HIPK1: variants seen among roughly 807,000 people sequenced by gnomAD.
HIPK1 encodes homeodomain interacting protein kinase 1.
In HIPK1, 28 loss-of-function variants were observed where a neutral mutation model predicts 117.1. The observed-to-expected ratio is 0.24, with a 90% CI of 0.18 to 0.33. The LOEUF (loss-of-function observed/expected upper bound fraction) is 0.33. Among genes scored for constraint, HIPK1 ranks in the 10% least tolerant of loss-of-function variants. The pLI, the probability that HIPK1 is intolerant of heterozygous loss-of-function variation, is 1.00. For missense variants in HIPK1, 1,122 were observed against 1,475.1 expected, an observed-to-expected ratio of 0.76 and a Z score of 3.92; for synonymous variants, 605 against 562.5, an observed-to-expected ratio of 1.08 and a Z score of -1.07.
rs757463911 is a variant in HIPK1 at position 113,973,218 on chromosome 1, G to A, written c.3339G>A (p.Thr1113=). The A allele has an allele frequency of 1.1e-5, 18 of 1,613,796 alleles. No homozygotes were observed. The Middle Eastern group carries it at 4.9e-4, about 44-fold the overall frequency. The part of the protein sequence containing the change: ...AHLPSQAHLY[T]YAAPTSAAAL... ...TGCCAAGCCAGGCTCATCTGTATACGTATGCTGCCCCGACTTCTGCTGCTG... is the reference window on the plus strand; with the variant it reads ...TGCCAAGCCAGGCTCATCTGTATACATATGCTGCCCCGACTTCTGCTGCTG... The change falls in exon 16 of 16, where the codon ACG becomes ACA. Residue 1113 remains threonine (T), a synonymous_variant. Transcript: ENST00000426820.
intron 2 of HIPK1, among the ~76,000 whole-genome samples, chr1:113,949,097 C>T (rs1671176844): frequency 6.6e-6 from 1 of 152,192 alleles, no homozygotes; most frequent in African/African-American, 2.4e-5. Context: ...CTTGGCCACC[C>T]ACAGTGCTAG....
At chr1:113,955,914 A>G (rs1283533338) in intron 5 of HIPK1, among the ~76,000 whole-genome samples, 1 of 151,932 alleles carries the variant, frequency 6.6e-6, no homozygotes, top group Non-Finnish European at 1.5e-5. Flanking sequence ...TTCTTGTCCC[A>G]TTTTCTCTAT....
At position 113,970,757 on chromosome 1, in the gene HIPK1, A is replaced by G. The variant is rs532344459; in HGVS notation, c.3013+560A>G. On this transcript the variant is annotated intron_variant, in intron 14 of 15. Transcript: ENST00000426820. ...TTGGGTAATAGCAGTTGCAGTAACA[A>G]ATCCTAGATTTTTGTAGCATAACAT... Among the ~76,000 whole-genome samples, 13 of 152,316 alleles carry G rather than the reference A, an allele frequency of 8.5e-5. No homozygotes were observed. In the East Asian group the frequency reaches 2.3e-3, roughly 27 times the overall value.
At chr1:113,954,239 A>C (rs1380684859) in intron 3 of HIPK1, among the ~76,000 whole-genome samples, 1 of 152,226 alleles carries the variant, frequency 6.6e-6, no homozygotes, top group East Asian at 1.9e-4. Flanking sequence ...CTGGGATTAC[A>C]GGTGTGAGCC....
chr1:113,951,363 AT>A, intron 2 of HIPK1: 2 of 805,532 alleles, frequency 2.5e-6, no homozygotes, highest in Non-Finnish European at 3.0e-6. Flanking sequence ...GATTGCAGGG[AT>A]TCAAATCCTA....
chr1:113,963,873 CTTTTACCCT>C (rs1258770505), intron 10 of HIPK1, among the ~76,000 whole-genome samples: 1 of 152,140 alleles, frequency 6.6e-6, no homozygotes, highest in Non-Finnish European at 1.5e-5. Flanking sequence ...TGTTTTCTGC[CTTTTACCCT>C]CTGATCCTTG....
At chr1:113,963,350 G>A (rs372089399) in intron 9 of HIPK1, 37 bp from the exon 10 acceptor site, 28 of 1,608,186 alleles carry the variant, frequency 1.7e-5, no homozygotes, top group African/African-American at 8.0e-5. Context: ...TCCTGCCTCC[G>A]TGTTTGTTTC....
In HIPK1 at chr1:113,929,342, C is replaced by G; in HGVS notation, c.-193C>G. On this transcript the variant is annotated 5_prime_UTR_variant, in exon 1 of 16. In the 5' UTR this introduces an upstream ATG that the reference lacks. Transcript: ENST00000426820. ...CTGGGATGACATTTTACAGTTGGAT[C>G]CCGTACCACCGCCAGGCACCTTTAA... The G allele has an allele frequency of 7.8e-7, 1 of 1,289,496 alleles. No homozygotes were observed. 79.9% of individuals were successfully genotyped at this position (1,289,496 alleles called of 1,614,324 possible).
rs1196265181 is a variant in HIPK1 at position 113,968,581 on chromosome 1, C to T, written c.2704C>T (p.Pro902Ser). 1 of 1,613,774 alleles carries T rather than the reference C, an allele frequency of 6.2e-7. No homozygotes were observed. The highest frequency in any genetic ancestry group is 8.5e-7 in the Non-Finnish European group (1 of 1,179,738). Reference protein sequence around the residue: ...PIIIPDTPSPPVSVITIRSDT... With the variant: ...PIIIPDTPSPSVSVITIRSDT... ...CATCATTCCAGATACTCCCAGCCCT[C>T]CTGTGAGTGTCATCACTATCCGAAG... Residue 902 changes from proline to serine, a missense_variant, in exon 13 of 16, where the codon CCT becomes TCT. Pro to Ser is a moderately conservative substitution (Grantham distance 74). Around this residue, in one of 6 missense-constraint regions of HIPK1, gnomAD observed 731 missense variants for 860.4 expected, o/e 0.85. Transcript: ENST00000426820.
chr1:113,972,985 T>C, intron 15 of HIPK1, 39 bp from the exon 16 acceptor site: 1 of 1,506,628 alleles, frequency 6.6e-7, no homozygotes, highest in Non-Finnish European at 8.9e-7. Flanking sequence ...TGAGCTGGAG[T>C]GACCTCAGGA....
Position 113,933,702 on chromosome 1 carries a change from A to C in HIPK1, c.-3+4170A>C, listed in dbSNP as rs561726247. On this transcript the variant is annotated intron_variant, in intron 1 of 15. Coordinates refer to ENST00000426820, the MANE Select transcript of HIPK1 (RefSeq NM_198268.3). ...CAACATGGTGAAACCCTGTCTCTACAAAAAATACAAAAAAATTAGCTGGGC... is the reference window on the plus strand; with the variant it reads ...CAACATGGTGAAACCCTGTCTCTACCAAAAATACAAAAAAATTAGCTGGGC... Among the ~76,000 whole-genome samples, 101 of 152,008 alleles carry C rather than the reference A, an allele frequency of 6.6e-4. 1 individual carries two copies. The highest frequency in any genetic ancestry group is 2.4e-3 in the African/African-American group (99 of 41,454).
Position 113,940,655 on chromosome 1 carries a change from G to C in HIPK1, c.272G>C (p.Ser91Thr), listed in dbSNP as rs752655944. The change falls in exon 2 of 16, where the codon AGC (serine) becomes ACC (threonine). Residue 91 changes from serine to threonine, a missense_variant. By Grantham distance (58) the Ser-to-Thr change is moderately conservative. Around this residue, in one of 6 missense-constraint regions of HIPK1, gnomAD observed 192 missense variants for 234.0 expected, o/e 0.82. Transcript: ENST00000426820. The part of the protein sequence containing the change: ...VEHIVVTAAD[S>T]SGSAATSTFQ... ...CATATTGTTGTAACAGCCGCTGATA[G>C]CTCGGGCAGTGCTGCTACATCAACC... is the stretch of plus-strand genomic sequence containing the variant. 9 of 1,614,216 alleles carry C rather than the reference G, an allele frequency of 5.6e-6. No homozygotes were observed. The highest frequency in any genetic ancestry group is 7.6e-6 in the Non-Finnish European group (9 of 1,180,054).
Position 113,970,063 on chromosome 1 carries a change from C to T in HIPK1, c.2879C>T (p.Ala960Val), listed in dbSNP as rs1429393745. Reference protein sequence around the residue: ...SSPYSTDTLSALRGNSGSVLE... With the variant: ...SSPYSTDTLSVLRGNSGSVLE... ...CCTTATTCCACTGATACCCTGAGTG[C>T]TCTCCGAGGCAATAGTGGATCCGTT... The change falls in exon 14 of 16, where the codon GCT (alanine) becomes GTT (valine). Residue 960 changes from alanine to valine, a missense_variant. Physicochemically the swap from Ala to Val is moderately conservative, Grantham distance 64. Coordinates refer to ENST00000426820, the MANE Select transcript of HIPK1 (RefSeq NM_198268.3). 1.2e-6 allele frequency: 2 copies of T among 1,614,214 alleles called. No homozygotes were observed. Among genetic ancestry groups the T allele is most frequent in the Non-Finnish European group, 1.7e-6 (2 of 1,180,046 alleles).
chr1:113,958,432 A>G, intron 8 of HIPK1, 141 bp downstream of exon 8: 1 of 614,254 alleles, frequency 1.6e-6, no homozygotes, highest in Non-Finnish European at 2.8e-6. Flanking sequence ...TAATATCACA[A>G]AATGGATTTT....
chr1:113,967,697 G>C, intron 11 of HIPK1, 69 bp from the exon 12 acceptor site: 1 of 1,138,652 alleles, frequency 8.8e-7, no homozygotes. Context: ...AATTGCTTTT[G>C]ATGTCTGTTT....
At position 113,957,224 on chromosome 1, in the gene HIPK1, C is replaced by T; in HGVS notation, c.1693C>T (p.Pro565Ser). ...IKSPFTTHVA[P>S]NTSTNLTMSF... ...GAGTCCCTTCACTACACATGTTGCC[C>T]CAAATACAAGCACAAATCTAACCAT... The change falls in exon 7 of 16, where the codon CCA (proline) becomes TCA (serine). Residue 565 changes from proline to serine, a missense_variant. Pro to Ser is a moderately conservative substitution (Grantham distance 74). This residue lies in a region of HIPK1 where 731 missense variants were observed against 860.4 expected (regional missense o/e 0.85). Coordinates refer to ENST00000426820, the MANE Select transcript of HIPK1 (RefSeq NM_198268.3). The T allele has an allele frequency of 1.2e-6, 2 of 1,613,762 alleles. No homozygotes were observed. The highest frequency in any genetic ancestry group is 1.7e-6 in the Non-Finnish European group (2 of 1,179,724).
Position 113,967,762 on chromosome 1 carries a change from A to T in HIPK1, c.2382-4A>T. The T allele has an allele frequency of 6.6e-7, 1 of 1,504,956 alleles. No homozygotes were observed. The highest frequency in any genetic ancestry group is 8.9e-7 in the Non-Finnish European group (1 of 1,128,020). 93.2% of individuals were successfully genotyped at this position (1,504,956 alleles called of 1,614,324 possible). A position where few individuals can be genotyped will look rare whatever the true frequency, so the allele number is the denominator to read the frequency against. ...CACTCTTCTCTTTCTTTCTGTTGGT[A>T]CAGGAATGCCCACTCTCATGGCAAC... On this transcript the variant is annotated splice_polypyrimidine_tract_variant and splice_region_variant and intron_variant, in intron 11 of 15. Coordinates refer to ENST00000426820, the MANE Select transcript of HIPK1 (RefSeq NM_198268.3).
intron 14 of HIPK1, among the ~76,000 whole-genome samples, chr1:113,971,558 T>C (rs1400557034): frequency 1.3e-5 from 2 of 152,222 alleles, no homozygotes; most frequent in Non-Finnish European, 2.9e-5. Flanking sequence ...ATATTTGTAT[T>C]TCCAGTCGTT....
At position 113,929,453 on chromosome 1, in the gene HIPK1, A is replaced by C. The variant is rs751204951; in HGVS notation, c.-82A>C. ...GCTGGCTCCCTACGGAGGCCCACCT[A>C]CTCGAGGCCCACCGACTCCTACTGC... is the stretch of plus-strand genomic sequence containing the variant. On this transcript the variant is annotated 5_prime_UTR_variant, in exon 1 of 16. Transcript: ENST00000426820. The C allele has an allele frequency of 7.8e-7, 1 of 1,289,170 alleles. No individual in the cohort carries two copies. Among genetic ancestry groups the C allele is most frequent in the South Asian group, 1.2e-5 (1 of 81,018 alleles). The allele number at this position is 1,289,170 out of a possible 1,614,324, so 79.9% of individuals were successfully genotyped here.
Sources: allele counts gnomAD v4.1 joint callset (sites outside exome capture counted in the v4.1 genomes callset), GRCh38; gene constraint gnomAD v4.1.1; regional missense constraint gnomAD v4.1.1; transcripts MANE v1.5; gene names NCBI Gene and HGNC (gene_info 2026-07-23, HGNC 2026-07-21).